RANBP17: variants seen among roughly 807,000 people sequenced by gnomAD.
The protein encoded by RANBP17 is ran-binding protein 17.
Under a neutral mutation model 141.2 loss-of-function variants are expected in RANBP17, and 158 were observed. The observed-to-expected ratio is 1.12, with a 90% confidence interval of 0.98 to 1.28. The LOEUF is 1.28. Among genes scored for constraint, RANBP17 ranks in the 50% most tolerant of loss-of-function variants. The pLI, the probability that RANBP17 is intolerant of heterozygous loss-of-function variation, is 0.00. For synonymous variants in RANBP17, 430 were observed against 450.0 expected (o/e 0.96, Z 0.56); for missense variants, 1,438 against 1,290.7 (o/e 1.11, Z -1.75).
At chr5:171,255,535 A>C (rs764666508) in intron 24 of RANBP17, among the ~76,000 whole-genome samples, 2 of 152,158 alleles carry the variant, frequency 1.3e-5, no homozygotes, top group Non-Finnish European at 2.9e-5. Flanking sequence ...TCACATCTAC[A>C]CCATACTTCA....
At chr5:171,249,914 C>T (rs181667314) in intron 24 of RANBP17, among the ~76,000 whole-genome samples, 1 of 152,232 alleles carries the variant, frequency 6.6e-6, no homozygotes, top group East Asian at 1.9e-4. Context: ...ACTCAGTGAT[C>T]CCTAGGAAGA....
At chr5:171,290,370 AAAAAAAAAAAAGAAAG>A (rs1259872519) in intron 25 of RANBP17, among the ~76,000 whole-genome samples, 1 of 151,072 alleles carries the variant, frequency 6.6e-6, no homozygotes, top group Admixed American at 6.6e-5. Flanking sequence ...TCCGTCTCAA[AAAAAAAAAAAAGAAAG>A]AAAGAAAAAG....
intron 14 of RANBP17, among the ~76,000 whole-genome samples, chr5:171,030,519 A>C (rs1038597871): frequency 3.3e-5 from 5 of 152,004 alleles, no homozygotes; most frequent in Non-Finnish European, 7.4e-5. Flanking sequence ...CCATTTATTT[A>C]ATTCTGCTTC....
At chr5:171,048,474 TTTTC>T (rs972172016) in intron 14 of RANBP17, among the ~76,000 whole-genome samples, 4 of 144,844 alleles carry the variant, frequency 2.8e-5, no homozygotes, top group African/African-American at 1.1e-4. Context: ...AGATCTACCC[TTTTC>T]TTTTTTTTTT....
intron 12 of RANBP17, among the ~76,000 whole-genome samples, chr5:170,937,377 T>G (rs2127469012): frequency 6.6e-6 from 1 of 152,334 alleles, no homozygotes; most frequent in South Asian, 2.1e-4. Flanking sequence ...TTGCATCAGC[T>G]TTTTTGGACT....
chr5:171,140,582 T>A (rs1026270681), intron 14 of RANBP17, among the ~76,000 whole-genome samples: 3 of 152,188 alleles, frequency 2.0e-5, no homozygotes, highest in Non-Finnish European at 4.4e-5. Flanking sequence ...TCAGTCTTTT[T>A]CTGTTTGAGA....
chr5:170,922,960 C>T lies in RANBP17; in HGVS notation c.1275-1397C>T, dbSNP rs148604851. 4.5e-3 allele frequency among the ~76,000 whole-genome samples: 688 copies of T among 152,192 alleles called. 4 individuals are homozygous for T. The highest frequency in any genetic ancestry group is 0.016 in the African/African-American group (665 of 41,510). On this transcript the variant is annotated intron_variant, in intron 11 of 27. Transcript: ENST00000523189. ...CTATTTGGCCATCTTGGAAGCCCTC[C>T]GCCTTTTCATTTTCTTAGCAGAGTC...
chr5:171,208,407 T>C (rs547475437), intron 20 of RANBP17, among the ~76,000 whole-genome samples: 1 of 152,290 alleles, frequency 6.6e-6, no homozygotes, highest in East Asian at 1.9e-4. Flanking sequence ...TTTGCCCCTA[T>C]GATGGGAATG....
chr5:171,068,852 C>G (rs1217701212), intron 14 of RANBP17, among the ~76,000 whole-genome samples: 1 of 152,166 alleles, frequency 6.6e-6, no homozygotes, highest in Non-Finnish European at 1.5e-5. Flanking sequence ...TCCCAAACTC[C>G]TGGGATTATA....
At position 170,918,882 on chromosome 5, in the gene RANBP17, G is replaced by A. The variant is rs752088001; in HGVS notation, c.1101+23G>A. On this transcript the variant is annotated intron_variant, in intron 10 of 27. Transcript: ENST00000523189. ...CAGGTAGGTAAAAATATGTAATTAT[G>A]TTAAACTGTAGCCAGTTTTAAAACA... 2.7e-6 allele frequency: 4 copies of A among 1,498,272 alleles called. No homozygotes were observed. In the Admixed American group the frequency reaches 8.2e-5, roughly 31 times the overall value. The allele number at this position is 1,498,272 out of a possible 1,614,324, so 92.8% of individuals were successfully genotyped here.
intron 14 of RANBP17, among the ~76,000 whole-genome samples, chr5:170,988,152 T>C (rs574267665): frequency 1.3e-5 from 2 of 151,838 alleles, no homozygotes; most frequent in Admixed American, 1.3e-4. Flanking sequence ...TTCTACTTAC[T>C]TTTAATGATT....
intron 25 of RANBP17, among the ~76,000 whole-genome samples, chr5:171,287,396 A>G (rs1768229992): frequency 6.6e-6 from 1 of 152,036 alleles, no homozygotes; most frequent in Admixed American, 6.6e-5. Flanking sequence ...AGGCTGAGGC[A>G]GGAGAATTGC....
intron 3 of RANBP17, among the ~76,000 whole-genome samples, chr5:170,892,032 A>G (rs555612147): frequency 3.9e-5 from 6 of 152,250 alleles, no homozygotes; most frequent in African/African-American, 1.4e-4. Flanking sequence ...TGTCTTGAGG[A>G]GAGCTATTAA....
In RANBP17 at chr5:171,079,171, G is replaced by A. The variant is rs77340730; in HGVS notation, c.1711-90959G>A. 2.0e-3 allele frequency among the ~76,000 whole-genome samples: 300 copies of A among 152,196 alleles called. 11 individuals are homozygous for A. In the East Asian group the frequency reaches 0.045, roughly 23 times the overall value. Reference sequence around the variant, plus strand: ...CTGAGGGGTTCAAGACTTCAGGATCGGAAATAACTGCAGATGTGGTTGAAA... The same window carrying A: ...CTGAGGGGTTCAAGACTTCAGGATCAGAAATAACTGCAGATGTGGTTGAAA... On this transcript the variant is annotated intron_variant, in intron 14 of 27. Transcript: ENST00000523189.
intron 18 of RANBP17, among the ~76,000 whole-genome samples, chr5:171,188,770 A>T (rs991015957): frequency 6.6e-6 from 1 of 152,218 alleles, no homozygotes; most frequent in African/African-American, 2.4e-5. Flanking sequence ...AAACAACAGG[A>T]TAGCACTATC....
chr5:170,956,355 T>TA (rs148626330), intron 13 of RANBP17, among the ~76,000 whole-genome samples: 4,235 of 152,222 alleles, frequency 0.028, 194 homozygotes, highest in African/African-American at 0.095. Context: ...TACTTTTGGA[T>TA]AAAAAATTTC....
At chr5:171,225,350 C>T (rs1763822806) in intron 22 of RANBP17, among the ~76,000 whole-genome samples, 1 of 152,236 alleles carries the variant, frequency 6.6e-6, no homozygotes, top group African/African-American at 2.4e-5. Context: ...GATACATGCA[C>T]TTTACATAGA....
intron 12 of RANBP17, among the ~76,000 whole-genome samples, chr5:170,946,961 A>G (rs1005987368): frequency 4.6e-5 from 7 of 152,134 alleles, no homozygotes; most frequent in East Asian, 3.8e-4. Flanking sequence ...AGCTTGAAAC[A>G]TGTGTACTGG....
chr5:170,922,518 G>A (rs1194070560), intron 11 of RANBP17, among the ~76,000 whole-genome samples: 1 of 152,166 alleles, frequency 6.6e-6, no homozygotes, highest in Admixed American at 6.5e-5. Context: ...TCAAGCCTCA[G>A]CAATGGCGGA....
Sources: allele counts gnomAD v4.1 joint callset (sites outside exome capture counted in the v4.1 genomes callset), GRCh38; gene constraint gnomAD v4.1.1; transcripts MANE v1.5; gene names NCBI Gene and HGNC (gene_info 2026-07-23, HGNC 2026-07-21).